The following DNAH14 variants were observed in gnomAD, a reference collection of about 807,000 sequenced individuals.
DNAH14 encodes axonemal beta dynein heavy chain 14.
DNAH14 carries 478 observed loss-of-function variants against 520.9 expected under a neutral mutation model. The ratio of observed to expected loss-of-function variants is 0.92; its 90% CI spans 0.85 to 0.99. The LOEUF is 0.99. Ranked by LOEUF, DNAH14 falls within the 50% of genes least tolerant of loss-of-function variation. DNAH14 has a pLI of 0.00. For missense variants in DNAH14, 4,831 were observed against 5,234.5 expected (o/e 0.92, Z 2.38); for synonymous variants, 1,581 against 1,757.2 (o/e 0.90, Z 2.51).
chr1:225,320,150 A>G (rs936403645), intron 61 of DNAH14, among the ~76,000 whole-genome samples: 1 of 152,170 alleles, frequency 6.6e-6, no homozygotes, highest in Non-Finnish European at 1.5e-5. Context: ...GGTTAAGCAC[A>G]TGGGCTCTGA....
Position 225,085,747 on chromosome 1 carries a change from A to G in DNAH14, c.3531A>G (p.Ile1177Met). Residue 1177 changes from isoleucine (I) to methionine (M), a missense_variant, in exon 21 of 86, where the codon ATA (isoleucine) becomes ATG (methionine). Ile to Met is a conservative substitution (Grantham distance 10). Coordinates refer to ENST00000682510, the MANE Select transcript of DNAH14 (RefSeq NM_001367479.1). ...ISAQLEESQV[I>M]LATIKGSPHI... ...CTCAGTTAGAAGAGTCTCAAGTCAT[A>G]CTTGCAACAATTAAAGGATCTCCCC... 6.4e-7 allele frequency: 1 copy of G among 1,551,152 alleles called. No homozygotes were observed. Among genetic ancestry groups the G allele is most frequent in the South Asian group, 1.2e-5 (1 of 83,750 alleles).
chr1:225,350,094 G>A (rs143014342), intron 71 of DNAH14, among the ~76,000 whole-genome samples: 436 of 152,186 alleles, frequency 2.9e-3, no homozygotes, highest in African/African-American at 9.3e-3. Flanking sequence ...AAGTGTATTT[G>A]CCAAACACAG....
rs1010311920 is a variant in DNAH14 at position 225,232,346 on chromosome 1, A to G, written c.6518+1195A>G. ...CGATTGGTAAACATTTAGATTTTCA[A>G]TTTTGTTATTAACAATAGTAATATG... On this transcript the variant is annotated intron_variant, in intron 42 of 85. Coordinates refer to ENST00000682510, the MANE Select transcript of DNAH14 (RefSeq NM_001367479.1). This position sits in a 1 kb window ranked among gnomAD's most constrained non-coding sequence, Gnocchi z 4.2. 2.6e-5 allele frequency among the ~76,000 whole-genome samples: 4 copies of G among 151,860 alleles called. No individual in the cohort carries two copies. Among genetic ancestry groups the G allele is most frequent in the African/African-American group, 7.3e-5 (3 of 41,362 alleles).
chr1:225,240,709 AAC>A lies in DNAH14; in HGVS notation c.6639_6640del (p.His2213GlnfsTer11). On this transcript the variant is annotated frameshift_variant, in exon 43 of 86. Coordinates refer to ENST00000682510, the MANE Select transcript of DNAH14 (RefSeq NM_001367479.1). LOFTEE classifies it high-confidence loss of function. Reference sequence around the variant, plus strand: ...GGAGGAGCTTTAAACCGTGAAGATGAACACAGAGAAAATATACCATTTTGTCC... The same window carrying A: ...GGAGGAGCTTTAAACCGTGAAGATGAACAGAGAAAATATACCATTTTGTCC... 6.4e-7 allele frequency: 1 copy of A among 1,551,142 alleles called. No individual in the cohort carries two copies. The highest frequency in any genetic ancestry group is 8.7e-7 in the Non-Finnish European group (1 of 1,146,668).
In DNAH14 at chr1:225,204,278, G is replaced by A; in HGVS notation, c.5977+5G>A. 1.4e-6 allele frequency: 2 copies of A among 1,416,726 alleles called. No individual in the cohort carries two copies. Among genetic ancestry groups the A allele is most frequent in the Non-Finnish European group, 1.9e-6 (2 of 1,066,160 alleles). 87.8% of individuals were successfully genotyped at this position (1,416,726 alleles called of 1,614,324 possible). Reference sequence around the variant, plus strand: ...TTAAAATTCCAGAAAATCACAGTAAGTGTTACTAAATTCAAGAAAGATTAT... The same window carrying A: ...TTAAAATTCCAGAAAATCACAGTAAATGTTACTAAATTCAAGAAAGATTAT... On this transcript the variant is annotated splice_donor_5th_base_variant and intron_variant, in intron 39 of 85. Coordinates refer to ENST00000682510, the MANE Select transcript of DNAH14 (RefSeq NM_001367479.1).
intron 21 of DNAH14, 110 bp downstream of exon 21, chr1:225,085,899 C>G (rs1427708024): frequency 1.2e-5 from 13 of 1,080,426 alleles, no homozygotes; most frequent in Non-Finnish European, 1.6e-5. Context: ...CATTCATATA[C>G]TTATATAAAA....
chr1:225,139,822 C>T (rs17519183), intron 27 of DNAH14, among the ~76,000 whole-genome samples: 8,174 of 152,190 alleles, frequency 0.054, 315 homozygotes, highest in Non-Finnish European at 0.081. Context: ...CAGACTCTGC[C>T]GTGACATGGC....
rs1433358723 is a variant in DNAH14, at chr1:225,043,061, C to T, written c.1715C>T (p.Pro572Leu). 1 of 1,551,198 alleles carries T rather than the reference C, an allele frequency of 6.4e-7. No homozygotes were observed. The highest frequency in any genetic ancestry group is 1.4e-5 in the African/African-American group (1 of 73,036). Residue 572 changes from proline to leucine, a missense_variant, in exon 13 of 86, where the codon CCA becomes CTA. Pro to Leu is a moderately conservative substitution (Grantham distance 98). Coordinates refer to ENST00000682510, the MANE Select transcript of DNAH14 (RefSeq NM_001367479.1). The part of the protein sequence containing the change: ...VKKHSSEELL[P>L]KAKKSKEISY... ...AAACACTCAAGTGAAGAATTGCTCCCAAAAGCCAAGAAATCAAAAGAAATT... is the reference window on the plus strand; with the variant it reads ...AAACACTCAAGTGAAGAATTGCTCCTAAAAGCCAAGAAATCAAAAGAAATT...
chr1:225,064,147 A>G (rs970455024), intron 17 of DNAH14, among the ~76,000 whole-genome samples: 8 of 152,084 alleles, frequency 5.3e-5, no homozygotes, highest in East Asian at 1.9e-4. Context: ...CAGACATTTA[A>G]TAAAAGCAGA....
intron 8 of DNAH14, among the ~76,000 whole-genome samples, chr1:224,983,633 G>A (rs1172265973): frequency 6.6e-6 from 1 of 152,080 alleles, no homozygotes; most frequent in African/African-American, 2.4e-5. Context: ...CAATATGACC[G>A]TTTACCTTGA....
chr1:225,125,294 A>G (rs980877541), intron 27 of DNAH14, among the ~76,000 whole-genome samples: 1 of 152,192 alleles, frequency 6.6e-6, no homozygotes, highest in African/African-American at 2.4e-5. Flanking sequence ...GAAGCCAGGT[A>G]TTGACTTCTC....
chr1:225,100,606 C>G (rs2075365860), intron 22 of DNAH14, 107 bp from the exon 23 acceptor site: 2 of 918,684 alleles, frequency 2.2e-6, no homozygotes, highest in Non-Finnish European at 3.1e-6. Flanking sequence ...AATTTAACAT[C>G]AAATGTTTTA....
chr1:225,176,373 T>C (rs927675252), intron 36 of DNAH14, among the ~76,000 whole-genome samples: 1 of 152,298 alleles, frequency 6.6e-6, no homozygotes, highest in South Asian at 2.1e-4. Flanking sequence ...GCTTAATATA[T>C]GGTTTGTCTT....
intron 23 of DNAH14, among the ~76,000 whole-genome samples, chr1:225,101,892 ATCTT>A (rs2148733885): frequency 6.9e-6 from 1 of 144,104 alleles, no homozygotes; most frequent in South Asian, 2.1e-4. Flanking sequence ...GAATTGCTGA[ATCTT>A]TTTTTTTTTT....
At position 225,374,270 on chromosome 1, in the gene DNAH14, A is replaced by ATATATATATATAT. The variant is rs2095666786; in HGVS notation, c.12319-417_12319-416insATATATATATATT. On this transcript the variant is annotated intron_variant, in intron 77 of 85. Transcript: ENST00000682510. ...TGTCTATATATATATATATATATAT[A>ATATATATATATAT]TTTTTTTTTGAGATAGAGTCTCACT... 1.1e-4 allele frequency among the ~76,000 whole-genome samples: 7 copies of ATATATATATATAT among 63,408 alleles called. No homozygotes were observed. The East Asian group carries it at 3.0e-3, about 27-fold the overall frequency. 41.6% of individuals were successfully genotyped at this position (63,408 alleles called of 152,430 possible).
chr1:224,937,827 G>T (rs1346109911), intron 1 of DNAH14, among the ~76,000 whole-genome samples: 1 of 152,002 alleles, frequency 6.6e-6, no homozygotes, highest in African/African-American at 2.4e-5. Flanking sequence ...AACCAAAACA[G>T]TATGATACTG....
chr1:225,002,088 C>T (rs544337537), intron 8 of DNAH14, among the ~76,000 whole-genome samples: 1 of 152,184 alleles, frequency 6.6e-6, no homozygotes, highest in South Asian at 2.1e-4. Flanking sequence ...CTTGATAACC[C>T]TTAAAAATCA....
intron 36 of DNAH14, among the ~76,000 whole-genome samples, chr1:225,178,588 C>T (rs1359127374): frequency 6.6e-6 from 1 of 152,168 alleles, no homozygotes; most frequent in African/African-American, 2.4e-5. Context: ...CCTGTACCCC[C>T]ATTTATATCT....
At chr1:225,353,674 TAA>T (rs2095397244) in intron 72 of DNAH14, 127 bp from the exon 73 acceptor site, 1 of 624,954 alleles carries the variant, frequency 1.6e-6, no homozygotes, top group Non-Finnish European at 2.9e-6. Flanking sequence ...AAGCTCACTT[TAA>T]AAGTCAGCCA....
Sources: gnomAD v4.1 joint callset for allele counts (sites outside exome capture counted in the v4.1 genomes callset) on GRCh38, gnomAD v4.1.1 for gene constraint, Gnocchi (gnomAD v3.1) non-coding constraint, MANE v1.5 for transcripts, NCBI Gene and HGNC (gene_info 2026-07-23, HGNC 2026-07-21) for gene names.